The following LDLRAD4 variants were observed in gnomAD, a reference collection of about 807,000 sequenced individuals.
LDLRAD4 encodes the protein low-density lipoprotein receptor class A domain-containing protein 4.
A neutral mutation model predicts 17.0 loss-of-function variants in LDLRAD4; 5 were observed. The ratio of observed to expected loss-of-function variants is 0.29; its 90% CI spans 0.15 to 0.62. The LOEUF is 0.62. Among genes scored for constraint, LDLRAD4 ranks in the 20% least tolerant of loss-of-function variants. The probability of loss-of-function intolerance (pLI) is 0.84; values close to 1 mark genes in which losing one functional copy is unlikely to be tolerated. For synonymous variants in LDLRAD4, 168 were observed against 171.8 expected (o/e 0.98, Z 0.17); for missense variants, 340 against 424.7 (o/e 0.80, Z 1.75).
chr18:13,473,389 G>A (rs2093151772), intron 3 of LDLRAD4, among the ~76,000 whole-genome samples: 1 of 152,058 alleles, frequency 6.6e-6, no homozygotes, highest in Non-Finnish European at 1.5e-5. Flanking sequence ...CCTAGTGGGG[G>A]CTGGGCACTG....
chr18:13,385,493 A>G (rs950450701), intron 1 of LDLRAD4, among the ~76,000 whole-genome samples: 3 of 152,248 alleles, frequency 2.0e-5, no homozygotes, highest in Admixed American at 1.3e-4. Context: ...GTGAGGTAGC[A>G]TAACTTCTGC....
At chr18:13,529,851 C>T (rs764753947) in intron 3 of LDLRAD4, among the ~76,000 whole-genome samples, 1 of 152,178 alleles carries the variant, frequency 6.6e-6, no homozygotes, top group East Asian at 1.9e-4. Flanking sequence ...GCTTTAGAGA[C>T]TTCCATGGCA....
intron 1 of LDLRAD4, among the ~76,000 whole-genome samples, chr18:13,223,801 G>A (rs1249427074): frequency 2.0e-5 from 3 of 152,210 alleles, no homozygotes; most frequent in Non-Finnish European, 4.4e-5. Context: ...CCTGTGACAT[G>A]GGTCCTCCTG....
At chr18:13,599,666 T>C (rs1056291055) in intron 3 of LDLRAD4, among the ~76,000 whole-genome samples, 3 of 152,016 alleles carry the variant, frequency 2.0e-5, no homozygotes, top group Non-Finnish European at 4.4e-5. Flanking sequence ...AATTTTTTTG[T>C]ATTTTTAGTA....
chr18:13,642,581 A>G, intron 4 of LDLRAD4: 1 of 1,228,788 alleles, frequency 8.1e-7, no homozygotes, highest in Non-Finnish European at 1.0e-6. Flanking sequence ...TCCTGAGCCC[A>G]GGCTCGGAAA....
intron 4 of LDLRAD4, among the ~76,000 whole-genome samples, chr18:13,635,615 G>A (rs1051525849): frequency 6.6e-6 from 1 of 152,176 alleles, no homozygotes; most frequent in Non-Finnish European, 1.5e-5. Context: ...TCCTGTTAGT[G>A]TGGCTGTTCA....
intron 1 of LDLRAD4, among the ~76,000 whole-genome samples, chr18:13,272,990 A>G (rs1347472288): frequency 6.6e-6 from 1 of 152,238 alleles, no homozygotes; most frequent in Non-Finnish European, 1.5e-5. Flanking sequence ...TGCATCAGCT[A>G]GTAAAGATGT....
intron 1 of LDLRAD4, among the ~76,000 whole-genome samples, chr18:13,376,160 G>A (rs964732497): frequency 6.6e-6 from 1 of 152,190 alleles, no homozygotes; most frequent in East Asian, 1.9e-4. Flanking sequence ...CTCCCAGGCT[G>A]TGCGGGCACT....
chr18:13,307,427 A>C (rs60672333), intron 1 of LDLRAD4, among the ~76,000 whole-genome samples: 1 of 151,982 alleles, frequency 6.6e-6, no homozygotes, highest in African/African-American at 2.4e-5. Flanking sequence ...TTAAAAAAAA[A>C]TTTTTTAAGA....
At chr18:13,537,795 T>C (rs1408381268) in intron 3 of LDLRAD4, among the ~76,000 whole-genome samples, 1 of 152,024 alleles carries the variant, frequency 6.6e-6, no homozygotes, top group Non-Finnish European at 1.5e-5. Flanking sequence ...TGTGTGTGTA[T>C]GTGTGTGTGT....
At chr18:13,248,983 CAT>C (rs2043103583) in intron 1 of LDLRAD4, among the ~76,000 whole-genome samples, 2 of 152,328 alleles carry the variant, frequency 1.3e-5, no homozygotes, top group South Asian at 4.1e-4. Flanking sequence ...AGCATCCACA[CAT>C]GAGTGAGAAC....
chr18:13,509,582 G>T (rs1165535516), intron 3 of LDLRAD4, among the ~76,000 whole-genome samples: 1 of 152,190 alleles, frequency 6.6e-6, no homozygotes, highest in Non-Finnish European at 1.5e-5. Flanking sequence ...AAAATGCTGT[G>T]AATATTGTTG....
intron 3 of LDLRAD4, chr18:13,526,281 G>C (rs1179309587): frequency 6.6e-6 from 1 of 152,114 alleles, no homozygotes; most frequent in African/African-American, 2.4e-5. Flanking sequence ...TGCATGTGGT[G>C]GGAAAAATAT....
At chr18:13,479,906 C>A (rs897747903) in intron 3 of LDLRAD4, among the ~76,000 whole-genome samples, 1 of 152,172 alleles carries the variant, frequency 6.6e-6, no homozygotes, top group Non-Finnish European at 1.5e-5. Context: ...AGAATGGCCC[C>A]AATCCAGAAT....
intron 3 of LDLRAD4, among the ~76,000 whole-genome samples, chr18:13,539,222 G>C (rs542536099): frequency 2.0e-5 from 3 of 152,176 alleles, no homozygotes; most frequent in African/African-American, 7.2e-5. Flanking sequence ...GGAGACATGG[G>C]GTCCAGGAAA....
At chr18:13,482,190 G>A (rs1330026033) in intron 3 of LDLRAD4, among the ~76,000 whole-genome samples, 1 of 152,142 alleles carries the variant, frequency 6.6e-6, no homozygotes, top group Admixed American at 6.5e-5. Flanking sequence ...AGTGCCTGGG[G>A]GCATATCAGG....
At chr18:13,244,515 C>G (rs2042861565) in intron 1 of LDLRAD4, among the ~76,000 whole-genome samples, 1 of 152,280 alleles carries the variant, frequency 6.6e-6, no homozygotes, top group African/African-American at 2.4e-5. Context: ...GGTAAAGGCC[C>G]CAAGTTTTCT....
chr18:13,353,524 G>T (rs2083165881), intron 1 of LDLRAD4, among the ~76,000 whole-genome samples: 1 of 152,176 alleles, frequency 6.6e-6, no homozygotes, highest in Admixed American at 6.5e-5. Context: ...GTGTCTGTGG[G>T]TCTGTTTTCT....
At chr18:13,454,091 G>T (rs1413284992) in intron 3 of LDLRAD4, among the ~76,000 whole-genome samples, 1 of 152,258 alleles carries the variant, frequency 6.6e-6, no homozygotes, top group Admixed American at 6.5e-5. Context: ...GGGGCATCCT[G>T]CCTCCTTTAT....
Sources: gnomAD v4.1 joint callset for allele counts (sites outside exome capture counted in the v4.1 genomes callset) on GRCh38, gnomAD v4.1.1 for gene constraint, MANE v1.5 for transcripts, NCBI Gene and HGNC (gene_info 2026-07-23, HGNC 2026-07-21) for gene names.